SNX29: variants seen among roughly 807,000 people sequenced by gnomAD.
SNX29 encodes the protein sorting nexin 29.
In SNX29, 78 loss-of-function variants were observed where a neutral mutation model predicts 102.1. The observed-to-expected ratio is 0.76, with a 90% CI of 0.64 to 0.92. The LOEUF (loss-of-function observed/expected upper bound fraction) is 0.92. SNX29 is among the 40% of genes least tolerant of loss of function. The pLI is 0.00. For missense variants in SNX29, 1,280 were observed against 1,061.7 expected (o/e 1.21, Z -2.86); for synonymous variants, 580 against 414.5 (o/e 1.40, Z -4.85).
chr16:12,195,622 G>A (rs559031705), intron 13 of SNX29, among the ~76,000 whole-genome samples: 5 of 152,226 alleles, frequency 3.3e-5, no homozygotes, highest in Non-Finnish European at 7.3e-5. Flanking sequence ...AAGAGATTCT[G>A]CAGACCTGTG....
intron 19 of SNX29, among the ~76,000 whole-genome samples, chr16:12,491,377 C>T (rs2088537056): frequency 6.6e-6 from 1 of 152,226 alleles, no homozygotes; most frequent in Non-Finnish European, 1.5e-5. Flanking sequence ...ACCAGTGGTT[C>T]ACTCTCAATC....
intron 1 of SNX29, among the ~76,000 whole-genome samples, chr16:11,998,000 G>A (rs533952445): frequency 6.6e-6 from 1 of 152,336 alleles, no homozygotes; most frequent in East Asian, 1.9e-4. Context: ...GATGATGCAT[G>A]CATAGTGCTT....
intron 16 of SNX29, among the ~76,000 whole-genome samples, chr16:12,397,680 A>G (rs1389471523): frequency 2.0e-5 from 3 of 152,342 alleles, no homozygotes; most frequent in Non-Finnish European, 4.4e-5. Context: ...ATCAACATTT[A>G]TTGAACATCT....
intron 16 of SNX29, among the ~76,000 whole-genome samples, chr16:12,380,139 C>A: frequency 7.3e-6 from 1 of 137,804 alleles, no homozygotes; most frequent in East Asian, 1.9e-4. Context: ...CATGAGACCC[C>A]AGGAAGAGTC....
chr16:12,553,566 G>A (rs115111768), intron 20 of SNX29, among the ~76,000 whole-genome samples: 2,316 of 151,896 alleles, frequency 0.015, 54 homozygotes, highest in African/African-American at 0.052. Flanking sequence ...AGCAGGAGCT[G>A]TGGGCTCTGA....
rs189711518 is a variant in SNX29 at position 12,256,659 on chromosome 16, G to A, written c.1679-21274G>A. 2.2e-3 allele frequency among the ~76,000 whole-genome samples: 341 copies of A among 152,316 alleles called. 1 individual carries two copies. Among genetic ancestry groups the A allele is most frequent in the Non-Finnish European group, 3.6e-3 (245 of 68,028 alleles). On this transcript the variant is annotated intron_variant, in intron 14 of 20. Transcript: ENST00000566228. Reference sequence around the variant, plus strand: ...AATTTTTTTTGAAGAGAGACAATCAGCATTCAGCAGTTGTTTATGAAGTGC... The same window carrying A: ...AATTTTTTTTGAAGAGAGACAATCAACATTCAGCAGTTGTTTATGAAGTGC...
At chr16:12,357,352 A>T (rs1286184089) in intron 16 of SNX29, among the ~76,000 whole-genome samples, 1 of 152,076 alleles carries the variant, frequency 6.6e-6, no homozygotes, top group Non-Finnish European at 1.5e-5. Flanking sequence ...AAAAAAAAAT[A>T]CAATATCCTT....
Position 12,486,415 on chromosome 16 carries a change from G to A in SNX29, c.2178+8556G>A, listed in dbSNP as rs552777943. Reference sequence around the variant, plus strand: ...GAGGGTGGGCCTCATCCTGCCTACCGTACACCTCTTCTTCCTTCTTCCTTC... The same window carrying A: ...GAGGGTGGGCCTCATCCTGCCTACCATACACCTCTTCTTCCTTCTTCCTTC... On this transcript the variant is annotated intron_variant, in intron 19 of 20. Transcript: ENST00000566228. Among the ~76,000 whole-genome samples the A allele has an allele frequency of 6.6e-5, 10 of 151,334 alleles. No homozygotes were observed. In the South Asian group the frequency reaches 1.5e-3, roughly 22 times the overall value.
intron 11 of SNX29, chr16:12,088,195 G>A (rs1239765642): frequency 2.2e-6 from 1 of 446,786 alleles, no homozygotes. Context: ...GCTAGAGAGA[G>A]ACAGGAGAGG....
chr16:12,396,645 C>A (rs577944490), intron 16 of SNX29, among the ~76,000 whole-genome samples: 3 of 152,264 alleles, frequency 2.0e-5, no homozygotes, highest in African/African-American at 7.2e-5. Context: ...TTGTCTAGAA[C>A]GGGGCGTGGC....
chr16:12,562,369 A>AT (rs1031594322), intron 20 of SNX29, among the ~76,000 whole-genome samples: 48 of 141,516 alleles, frequency 3.4e-4, no homozygotes, highest in Non-Finnish European at 1.5e-5. Context: ...TGCTTGCACC[A>AT]TTTTTTAAAA....
intron 14 of SNX29, among the ~76,000 whole-genome samples, chr16:12,220,172 A>G (rs1029663215): frequency 4.0e-5 from 6 of 150,988 alleles, no homozygotes; most frequent in African/African-American, 1.2e-4. Flanking sequence ...GTTATTTCAC[A>G]GAGCTGAGAA....
Position 12,513,707 on chromosome 16 carries a change from T to C in SNX29, c.2179-10995T>C, listed in dbSNP as rs889905526. On this transcript the variant is annotated intron_variant, in intron 19 of 20. Transcript: ENST00000566228. The stretch of plus-strand genomic sequence containing the variant: ...CAGTATAAAGATTAGAACAGTTTTC[T>C]TTTCTAAATTTGCAATTGTATTATT... 1.5e-4 allele frequency among the ~76,000 whole-genome samples: 23 copies of C among 152,326 alleles called. No homozygotes were observed. In the South Asian group the frequency reaches 1.9e-3, roughly 12 times the overall value.
At chr16:11,987,859 A>G (rs1567497149) in intron 1 of SNX29, among the ~76,000 whole-genome samples, 2 of 152,220 alleles carry the variant, frequency 1.3e-5, no homozygotes, top group African/African-American at 4.8e-5. Context: ...CAAGGTGTGA[A>G]AAGGGATTTT....
intron 13 of SNX29, among the ~76,000 whole-genome samples, chr16:12,171,240 A>G (rs754755874): frequency 9.2e-5 from 14 of 151,938 alleles, no homozygotes; most frequent in Non-Finnish European, 1.8e-4. Context: ...CACTATCTTC[A>G]CGTGATGACT....
intron 15 of SNX29, among the ~76,000 whole-genome samples, chr16:12,314,132 T>C (rs2151147000): frequency 6.6e-6 from 1 of 152,290 alleles, no homozygotes; most frequent in Middle Eastern, 3.4e-3. Flanking sequence ...AGGTCACAGG[T>C]GCATGCCACC....
intron 18 of SNX29, among the ~76,000 whole-genome samples, chr16:12,444,116 C>A (rs755278646): frequency 1.2e-4 from 18 of 152,012 alleles, no homozygotes; most frequent in Non-Finnish European, 1.5e-4. Context: ...ACGTAGTAAG[C>A]ACTCAGTATA....
At position 12,096,035 on chromosome 16, in the gene SNX29, C is replaced by T. The variant is rs2052752928; in HGVS notation, c.1402+17120C>T. On this transcript the variant is annotated intron_variant, in intron 11 of 20. Coordinates refer to ENST00000566228, the MANE Select transcript of SNX29 (RefSeq NM_032167.5). The surrounding 1 kb of genome is among the most constrained non-coding windows in gnomAD (Gnocchi z 4.2). ...GAGAGATGCGAGGCCCCGCAGCCAG[C>T]TGCTTGCTTGGCTAAGGGCTTCATG... Among the ~76,000 whole-genome samples, 1 of 152,232 alleles carries T rather than the reference C, an allele frequency of 6.6e-6. No individual in the cohort carries two copies. Among genetic ancestry groups the T allele is most frequent in the Non-Finnish European group, 1.5e-5 (1 of 68,040 alleles).
At chr16:12,332,091 C>T (rs1477988584) in intron 15 of SNX29, among the ~76,000 whole-genome samples, 1 of 152,040 alleles carries the variant, frequency 6.6e-6, no homozygotes, top group Non-Finnish European at 1.5e-5. Context: ...AAATAATTTA[C>T]AATGTGAGCA....
Sources: gnomAD v4.1 joint callset for allele counts (sites outside exome capture counted in the v4.1 genomes callset) on GRCh38, gnomAD v4.1.1 for gene constraint, Gnocchi (gnomAD v3.1) non-coding constraint, MANE v1.5 for transcripts, NCBI Gene and HGNC (gene_info 2026-07-23, HGNC 2026-07-21) for gene names.